The following CDCA5 variants were observed in gnomAD, a reference collection of about 807,000 sequenced individuals.
The protein encoded by CDCA5 is cell division cycle associated 5.
In CDCA5, 14 loss-of-function variants were observed where a neutral mutation model predicts 25.7. That is an observed-to-expected ratio of 0.54 (90% CI 0.36 to 0.85). The LOEUF is 0.85. CDCA5 is among the 40% of genes least tolerant of loss of function. The pLI is 0.01. For missense variants in CDCA5, 307 were observed against 324.5 expected (o/e 0.95, Z 0.41); for synonymous variants, 127 against 128.7 (o/e 0.99, Z 0.09).
chr11:65,066,784 A>G, intron 5 of CDCA5: 1 of 1,289,236 alleles, frequency 7.8e-7, no homozygotes, highest in Non-Finnish European at 1.0e-6. Flanking sequence ...GGCAAGACAA[A>G]GAAATGGGGT....
At chr11:65,063,514 C>T (rs536558709), downstream of CDCA5, among the ~76,000 whole-genome samples, 1 of 152,284 alleles carries the variant, frequency 6.6e-6, no homozygotes, top group African/African-American at 2.4e-5. Context: ...CAGTGGAACC[C>T]CATGTTACAG....
chr11:65,071,540 C>T (rs1947343700), intron 1 of CDCA5, among the ~76,000 whole-genome samples: 1 of 151,926 alleles, frequency 6.6e-6, no homozygotes, highest in Non-Finnish European at 1.5e-5. Flanking sequence ...GTCTCGAACC[C>T]CTAACCTGGT....
downstream of CDCA5, among the ~76,000 whole-genome samples, chr11:65,061,888 CG>C (rs1318879079): frequency 2.6e-5 from 4 of 151,176 alleles, no homozygotes; most frequent in Non-Finnish European, 5.9e-5. Flanking sequence ...AACCCATCCC[CG>C]AACTCTTGTA....
intron 2 of CDCA5, chr11:65,068,472 T>A: frequency 7.8e-7 from 1 of 1,276,314 alleles, no homozygotes; most frequent in South Asian, 1.2e-5. Context: ...TAGGAGGCCC[T>A]GGGGTTTCCC....
chr11:65,078,570 C>A lies in CDCA5; in HGVS notation c.*537G>T. ...TCCTCCAAGACAGAATTGCCCTCAG[C>A]CCACGAATTCTCTCTGGGACTATTT... is the stretch of plus-strand genomic sequence containing the variant. On this transcript the variant is annotated 3_prime_UTR_variant, in exon 6 of 6. Coordinates refer to ENST00000275517, the MANE Select transcript of CDCA5 (RefSeq NM_080668.4). 2 of 985,840 alleles carry A rather than the reference C, an allele frequency of 2.0e-6. No homozygotes were observed. Among genetic ancestry groups the A allele is most frequent in the Non-Finnish European group, 2.4e-6 (2 of 830,216 alleles). The allele number at this position is 985,840 out of a possible 1,614,324, so 61.1% of individuals were successfully genotyped here. A position where few individuals can be genotyped will look rare whatever the true frequency, so the allele number is the denominator to read the frequency against.
At chr11:65,069,693 C>T (rs1384313230) in intron 1 of CDCA5, among the ~76,000 whole-genome samples, 3 of 152,170 alleles carry the variant, frequency 2.0e-5, no homozygotes, top group Non-Finnish European at 2.9e-5. Context: ...TTCACATGGA[C>T]GACCACAGTA....
rs143840986 is a variant in CDCA5 at position 65,078,368 on chromosome 11, C to T, written c.*739G>A. The T allele has an allele frequency of 1.5e-4, 143 of 985,800 alleles. No individual in the cohort carries two copies. In the African/African-American group the frequency reaches 2.2e-3, roughly 16 times the overall value. 61.1% of individuals were successfully genotyped at this position (985,800 alleles called of 1,614,324 possible). On this transcript the variant is annotated 3_prime_UTR_variant, in exon 6 of 6. Transcript: ENST00000275517. ...CACCTGGTGGCCACACCCTGAAATG[C>T]ACCCTTTGCTCCAAGCAGCCAGCGC...
In CDCA5 at chr11:65,077,711, G is replaced by A. The variant is rs1168639718; in HGVS notation, c.*1396C>T. 2.1e-5 allele frequency: 21 copies of A among 985,546 alleles called. No homozygotes were observed. Among genetic ancestry groups the A allele is most frequent in the Non-Finnish European group, 2.4e-5 (20 of 830,004 alleles). 61.1% of individuals were successfully genotyped at this position (985,546 alleles called of 1,614,324 possible). A position where few individuals can be genotyped will look rare whatever the true frequency, so the allele number is the denominator to read the frequency against. On this transcript the variant is annotated 3_prime_UTR_variant, in exon 6 of 6. Transcript: ENST00000275517. ...TCCCCAGCAGGGGGCTTGCTTGCAGGTCTGACAAACCACAGAGCGTTGAGC... is the reference window on the plus strand; with the variant it reads ...TCCCCAGCAGGGGGCTTGCTTGCAGATCTGACAAACCACAGAGCGTTGAGC...
At chr11:65,065,286 TAA>T (rs578119196), downstream of CDCA5, among the ~76,000 whole-genome samples, 1 of 151,490 alleles carries the variant, frequency 6.6e-6, no homozygotes, top group African/African-American at 2.4e-5. Context: ...TATTTTAAAT[TAA>T]AAAAAAAATT....
chr11:65,064,384 C>T (rs961246607), downstream of CDCA5, among the ~76,000 whole-genome samples: 2 of 136,500 alleles, frequency 1.5e-5, no homozygotes, highest in African/African-American at 5.6e-5. Context: ...CGCCACTGCA[C>T]TGTAGCGTGG....
At position 65,078,246 on chromosome 11, in the gene CDCA5, G is replaced by C; in HGVS notation, c.*861C>G. On this transcript the variant is annotated 3_prime_UTR_variant, in exon 6 of 6. Coordinates refer to ENST00000275517, the MANE Select transcript of CDCA5 (RefSeq NM_080668.4). ...TAAGAAATGGGTATGGGTGACAAGA[G>C]GGGCCACCTTCCACCCCTGCAGCAG... is the stretch of plus-strand genomic sequence containing the variant. The C allele has an allele frequency of 2.0e-6, 2 of 985,490 alleles. No homozygotes were observed. Among genetic ancestry groups the C allele is most frequent in the Non-Finnish European group, 2.4e-6 (2 of 829,976 alleles). 61.0% of individuals were successfully genotyped at this position (985,490 alleles called of 1,614,324 possible). A position where few individuals can be genotyped will look rare whatever the true frequency, so the allele number is the denominator to read the frequency against.
At chr11:65,067,491 C>G (rs1166018115) in intron 4 of CDCA5, among the ~76,000 whole-genome samples, 1 of 152,188 alleles carries the variant, frequency 6.6e-6, no homozygotes, top group Non-Finnish European at 1.5e-5. Context: ...GAGAACAAGC[C>G]CCTCCCCCAG....
chr11:65,070,451 T>C (rs1947318605), intron 1 of CDCA5, among the ~76,000 whole-genome samples: 1 of 152,236 alleles, frequency 6.6e-6, no homozygotes, highest in South Asian at 2.1e-4. Flanking sequence ...CCAGGTTAAA[T>C]TGGGATCTCA....
chr11:65,072,938 C>T (rs566321759), downstream of CDCA5, among the ~76,000 whole-genome samples: 1,547 of 100,138 alleles, frequency 0.015, 105 homozygotes, highest in African/African-American at 0.057. Flanking sequence ...TTATTTCATT[C>T]TTTTTTTTTT....
chr11:65,065,295 A>T (rs1174675581), downstream of CDCA5, among the ~76,000 whole-genome samples: 1 of 152,042 alleles, frequency 6.6e-6, no homozygotes, highest in Non-Finnish European at 1.5e-5. Flanking sequence ...TTAAAAAAAA[A>T]ATTTTTTTTT....
At chr11:65,066,640 C>T in exon 6 of CDCA5, 1 of 1,289,148 alleles carries the variant, frequency 7.8e-7, no homozygotes, top group Non-Finnish European at 1.0e-6. Flanking sequence ...TCCTGGATGG[C>T]CTGGGCTCCC....
At chr11:65,079,891 C>CT (rs56317442) in intron 4 of CDCA5, 104 bp from the exon 5 acceptor site, 16,825 of 540,948 alleles carry the variant, frequency 0.031, 2 homozygotes, top group East Asian at 0.097. Flanking sequence ...AGGACACACA[C>CT]TTTTTTTTTT....
chr11:65,062,269 G>C (rs1040051738), downstream of CDCA5, among the ~76,000 whole-genome samples: 2 of 152,036 alleles, frequency 1.3e-5, no homozygotes, highest in South Asian at 4.1e-4. Flanking sequence ...GTCCCCTCTA[G>C]TTTTTTTCTC....
chr11:65,068,149 G>T, intron 2 of CDCA5: 2 of 1,246,342 alleles, frequency 1.6e-6, no homozygotes, highest in Non-Finnish European at 2.1e-6. Flanking sequence ...GGTGACTGGA[G>T]AGGGTCACGG....
Sources: gnomAD v4.1 joint callset for allele counts (sites outside exome capture counted in the v4.1 genomes callset) on GRCh38, gnomAD v4.1.1 for gene constraint, MANE v1.5 for transcripts, NCBI Gene and HGNC (gene_info 2026-07-23, HGNC 2026-07-21) for gene names.